PRIM2: variants seen among roughly 807,000 people sequenced by gnomAD.
The protein encoded by PRIM2 is DNA primase subunit 2.
A neutral mutation model predicts 67.3 loss-of-function variants in PRIM2; 39 were observed. The observed-to-expected ratio is 0.58, with a 90% confidence interval of 0.45 to 0.76. The LOEUF (loss-of-function observed/expected upper bound fraction) is 0.76. PRIM2 is among the 30% of genes least tolerant of loss of function. The pLI is 0.00. For missense variants in PRIM2, 398 were observed against 598.7 expected (o/e 0.66, Z 3.50); for synonymous variants, 143 against 198.7 (o/e 0.72, Z 2.36).
chr6:57,397,949 ATCTT>A (rs1246937227), intron 7 of PRIM2, among the ~76,000 whole-genome samples: 4 of 106,418 alleles, frequency 3.8e-5, no homozygotes, highest in African/African-American at 1.5e-4. Flanking sequence ...AGGCTGTGAG[ATCTT>A]TCTTTCTTTC....
the PRIM2 span, among the ~76,000 whole-genome samples, chr6:57,296,603 G>T: frequency 4.0e-5 from 6 of 151,820 alleles, no homozygotes; most frequent in African/African-American, 7.3e-5. Flanking sequence ...GGTGGTGGTA[G>T]TGGGTGGTGG....
At chr6:57,458,763 C>T (rs796354694) in intron 7 of PRIM2, among the ~76,000 whole-genome samples, 2,049 of 152,266 alleles carry the variant, frequency 0.013, 43 homozygotes, top group African/African-American at 0.046. Context: ...TTACAGTTAG[C>T]CCCCCTAGCT....
At chr6:57,540,952 T>C (rs1775136108) in intron 10 of PRIM2, among the ~76,000 whole-genome samples, 1 of 152,186 alleles carries the variant, frequency 6.6e-6, no homozygotes, top group South Asian at 2.1e-4. Flanking sequence ...AGTAAAGTGA[T>C]CTCTCACAGT....
intron 10 of PRIM2, among the ~76,000 whole-genome samples, chr6:57,544,737 A>G (rs1188288053): frequency 2.6e-5 from 4 of 152,214 alleles, no homozygotes; most frequent in African/African-American, 9.7e-5. Context: ...ATTAGAATGT[A>G]AACTATATAA....
In PRIM2 at chr6:57,602,233, G is replaced by A. The variant is rs1312508161; in HGVS notation, c.1147+1014G>A. On this transcript the variant is annotated intron_variant, in intron 11 of 13. Transcript: ENST00000615550. Reference sequence around the variant, plus strand: ...TGCCACCCTGCCCAGCTAATTTTTTGTATTTTTAATAGAGACGAGGTTTCG... The same window carrying A: ...TGCCACCCTGCCCAGCTAATTTTTTATATTTTTAATAGAGACGAGGTTTCG... Among the ~76,000 whole-genome samples the A allele has an allele frequency of 4.6e-5, 7 of 152,150 alleles. No individual in the cohort carries two copies. The East Asian group carries it at 1.4e-3, about 29-fold the overall frequency.
intron 5 of PRIM2, among the ~76,000 whole-genome samples, chr6:57,343,394 G>A (rs996698553): frequency 6.6e-6 from 1 of 152,120 alleles, no homozygotes; most frequent in African/African-American, 2.4e-5. Flanking sequence ...GTTATTATAA[G>A]CCTATTAACA....
intron 5 of PRIM2, among the ~76,000 whole-genome samples, chr6:57,348,959 A>ATGGTCTTGATCT (rs751622860): frequency 1.3e-5 from 2 of 151,804 alleles, no homozygotes; most frequent in Non-Finnish European, 2.9e-5. Context: ...TTTCGTCAGG[A>ATGGTCTTGATCT]TGGTCTTGAT....
intron 7 of PRIM2, among the ~76,000 whole-genome samples, chr6:57,384,482 A>C (rs1472329215): frequency 3.9e-5 from 6 of 152,136 alleles, no homozygotes; most frequent in Non-Finnish European, 5.9e-5. Flanking sequence ...TCCTATTTCT[A>C]AATAAGGTCA....
chr6:57,268,939 C>A, the PRIM2 span, among the ~76,000 whole-genome samples: 13 of 151,828 alleles, frequency 8.6e-5, no homozygotes, highest in East Asian at 2.5e-3. Flanking sequence ...CAATTTCATC[C>A]ATGTCCCTAC....
intron 8 of PRIM2, among the ~76,000 whole-genome samples, chr6:57,522,798 G>T (rs1417354956): frequency 1.3e-5 from 2 of 152,154 alleles, no homozygotes; most frequent in East Asian, 3.8e-4. Flanking sequence ...GTGCTCAATG[G>T]TCACATTTGG....
the PRIM2 span, among the ~76,000 whole-genome samples, chr6:57,231,417 A>G: frequency 6.6e-6 from 1 of 152,222 alleles, no homozygotes; most frequent in African/African-American, 2.4e-5. Context: ...AAAACAAATT[A>G]CAAACTGAGA....
intron 8 of PRIM2, among the ~76,000 whole-genome samples, chr6:57,518,244 T>C (rs1774527827): frequency 6.6e-6 from 1 of 152,194 alleles, no homozygotes; most frequent in South Asian, 2.1e-4. Context: ...TCATCAAATG[T>C]GTACAGTGGT....
chr6:57,642,433 A>ACTTT (rs1444848326), intron 13 of PRIM2, among the ~76,000 whole-genome samples: 2 of 107,060 alleles, frequency 1.9e-5, no homozygotes, highest in Non-Finnish European at 3.7e-5. Context: ...TAAATATTAT[A>ACTTT]TCTTTTTTTT....
chr6:57,550,089 C>T (rs1250797042), intron 10 of PRIM2, among the ~76,000 whole-genome samples: 5 of 152,098 alleles, frequency 3.3e-5, no homozygotes, highest in Admixed American at 2.6e-4. Flanking sequence ...CCGTGTCCCC[C>T]CTAAACCCCC....
At chr6:57,592,834 T>G (rs1582009367) in intron 10 of PRIM2, among the ~76,000 whole-genome samples, 3 of 152,244 alleles carry the variant, frequency 2.0e-5, no homozygotes, top group Admixed American at 1.3e-4. Flanking sequence ...TGTGTTTTTT[T>G]CCTTGTAGGA....
At chr6:57,457,579 C>T (rs1364131823) in intron 7 of PRIM2, among the ~76,000 whole-genome samples, 3 of 152,112 alleles carry the variant, frequency 2.0e-5, no homozygotes, top group Admixed American at 2.0e-4. Flanking sequence ...GTGTAGGACC[C>T]CCGAGCCAGG....
the PRIM2 span, among the ~76,000 whole-genome samples, chr6:57,223,352 G>A: frequency 6.6e-6 from 1 of 152,118 alleles, no homozygotes; most frequent in African/African-American, 2.4e-5. Context: ...TGGAAGAGGG[G>A]CTTCCTTCTA....
the PRIM2 span, among the ~76,000 whole-genome samples, chr6:57,277,587 G>C: frequency 6.6e-6 from 1 of 151,486 alleles, no homozygotes; most frequent in East Asian, 1.9e-4. Context: ...GAAGCCGGGG[G>C]GTGGTAGGGA....
At chr6:57,334,517 TAGCTGGGTGTAGTGGTGCAC>T (rs1242547776) in intron 5 of PRIM2, among the ~76,000 whole-genome samples, 1 of 152,108 alleles carries the variant, frequency 6.6e-6, no homozygotes, top group Non-Finnish European at 1.5e-5. Flanking sequence ...AAATAAAAAA[TAGCTGGGTGTAGTGGTGCAC>T]ACCTGTAATC....
Sources: gnomAD v4.1 joint callset for allele counts (sites outside exome capture counted in the v4.1 genomes callset) on GRCh38, gnomAD v4.1.1 for gene constraint, MANE v1.5 for transcripts, NCBI Gene and HGNC (gene_info 2026-07-23, HGNC 2026-07-21) for gene names.